The following TARBP1 variants were observed in gnomAD, a reference collection of about 807,000 sequenced individuals.
The protein encoded by TARBP1 is tRNA (guanosine(18)-2'-O)-methyltransferase TARBP1.
A neutral mutation model predicts 178.6 loss-of-function variants in TARBP1; 144 were observed. That is an observed-to-expected ratio of 0.81 (90% CI 0.70 to 0.93). The LOEUF is 0.93. TARBP1 is among the 40% of genes least tolerant of loss of function. TARBP1 has a pLI of 0.00. For missense variants in TARBP1, 2,067 were observed against 2,011.7 expected (o/e 1.03, Z -0.53); for synonymous variants, 787 against 781.0 (o/e 1.01, Z -0.13).
chr1:234,391,867 A>G, intron 29 of TARBP1, 122 bp from the exon 30 acceptor site: 1 of 1,066,024 alleles, frequency 9.4e-7, no homozygotes, highest in Admixed American at 2.6e-5. Context: ...TGTTACTAAA[A>G]GAAACATTAA....
At position 234,467,647 on chromosome 1, in the gene TARBP1, C is replaced by T. The variant is rs758638830; in HGVS notation, c.1103G>A (p.Cys368Tyr). 1.9e-6 allele frequency: 3 copies of T among 1,574,246 alleles called. No homozygotes were observed. The highest frequency in any genetic ancestry group is 4.6e-5 in the East Asian group (2 of 43,396). ...ATGCCAGGATGGGTGAAAGAGCCAACATCCTGTGGAAACAAACATCAAATG... is the reference window on the plus strand; with the variant it reads ...ATGCCAGGATGGGTGAAAGAGCCAATATCCTGTGGAAACAAACATCAAATG... ...FEYAVSEENG[C>Y]WLFHPSWHMC... The change falls in exon 4 of 30, where the codon TGT (cysteine) becomes TAT (tyrosine). Residue 368 changes from cysteine (C) to tyrosine (Y), a missense_variant. By Grantham distance (194) the Cys-to-Tyr change is radical. Coordinates refer to ENST00000040877, the MANE Select transcript of TARBP1 (RefSeq NM_005646.4).
At chr1:234,395,797 G>C (rs977800629) in intron 26 of TARBP1, among the ~76,000 whole-genome samples, 1 of 152,262 alleles carries the variant, frequency 6.6e-6, no homozygotes, top group Non-Finnish European at 1.5e-5. Flanking sequence ...GGCAGGAGGA[G>C]AGGTTGGTCA....
Position 234,418,211 on chromosome 1 carries a change from T to C in TARBP1, c.3578A>G (p.Asp1193Gly), listed in dbSNP as rs772146356. ...LDQNFLNGII[D>G]RIFQAGFTNN... is the part of the protein sequence containing the mutation. ...GGTGAAACCAGCCTGGAAAATCCTG[T>C]CAATAATTCCATTCAAGAAATTCTG... The change falls in exon 22 of 30, where the codon GAC (aspartate) becomes GGC (glycine). Residue 1193 changes from aspartate to glycine, a missense_variant. By Grantham distance (94) the Asp-to-Gly change is moderately conservative. Coordinates refer to ENST00000040877, the MANE Select transcript of TARBP1 (RefSeq NM_005646.4). The C allele has an allele frequency of 2.3e-5, 36 of 1,554,556 alleles. No individual in the cohort carries two copies. The highest frequency in any genetic ancestry group is 2.8e-5 in the Non-Finnish European group (33 of 1,162,860).
chr1:234,429,210 G>A lies in TARBP1; in HGVS notation c.2986C>T (p.Gln996Ter). Residue 996 changes from glutamine (Q) to a stop codon, truncating the protein, a stop_gained, in exon 17 of 30, where the codon CAG becomes TAG. Coordinates refer to ENST00000040877, the MANE Select transcript of TARBP1 (RefSeq NM_005646.4). LOFTEE classifies it high-confidence loss of function. ...AGAACTTTGTTATCAAAAACAAACT[G>A]AACAAAAGCTTTTAAATTAGCCCAG... ...IFWANLKAFV[Q>*]FVFDNKVLTI... 1 of 1,608,242 alleles carries A rather than the reference G, an allele frequency of 6.2e-7. No homozygotes were observed. Among genetic ancestry groups the A allele is most frequent in the Non-Finnish European group, 8.5e-7 (1 of 1,178,628 alleles).
chr1:234,448,636 G>C (rs973166930), intron 10 of TARBP1, 57 bp from the exon 11 acceptor site: 1 of 1,398,092 alleles, frequency 7.2e-7, no homozygotes, highest in Non-Finnish European at 1.0e-6. Context: ...CAAGGATGAT[G>C]CTTCAAAAAA....
chr1:234,462,049 T>C (rs1667911637), intron 6 of TARBP1, among the ~76,000 whole-genome samples: 1 of 152,262 alleles, frequency 6.6e-6, no homozygotes, highest in Non-Finnish European at 1.5e-5. Context: ...TGTGAATGAA[T>C]GTTTTAATTG....
Position 234,459,313 on chromosome 1 carries a change from A to C in TARBP1, c.1549T>G (p.Cys517Gly), listed in dbSNP as rs1363739421. ...GLLALRDVIH[C>G]TMITHQILLR... ...AGAATCTGATGTGTGATCATAGTGC[A>C]ATGAATAACATCCCTGACATCGAAA... Residue 517 changes from cysteine to glycine, a missense_variant, in exon 8 of 30, where the codon TGC becomes GGC. By Grantham distance (159) the Cys-to-Gly change is radical. Transcript: ENST00000040877. The C allele has an allele frequency of 6.2e-7, 1 of 1,610,282 alleles. No homozygotes were observed. The highest frequency in any genetic ancestry group is 8.5e-7 in the Non-Finnish European group (1 of 1,178,642).
Position 234,395,626 on chromosome 1 carries a change from G to A in TARBP1, c.4244-1789C>T, listed in dbSNP as rs549029288. Among the ~76,000 whole-genome samples the A allele has an allele frequency of 1.6e-4, 25 of 152,332 alleles. 1 individual carries two copies. The East Asian group carries it at 3.3e-3, about 20-fold the overall frequency. The stretch of plus-strand genomic sequence containing the variant: ...ATTTCAAGAGCTTAAGGAATATCCC[G>A]GTGCTAATGTCCAGTCTGTTCAGGA... On this transcript the variant is annotated intron_variant, in intron 26 of 29. Transcript: ENST00000040877.
Position 234,405,971 on chromosome 1 carries a change from T to C in TARBP1, c.3921A>G (p.Glu1307=), listed in dbSNP as rs1260792598. Residue 1307 remains glutamate (E), a synonymous_variant, in exon 24 of 30, where the codon GAA becomes GAG. Transcript: ENST00000040877. The part of the protein sequence containing the change: ...LWTVCKVLSV[E]EFDALTPVIE... ...TCACAGGAGTCAGGGCATCAAATTCTTCAACACTTAACACTTTACACACAG... is the reference window on the plus strand; with the variant it reads ...TCACAGGAGTCAGGGCATCAAATTCCTCAACACTTAACACTTTACACACAG... 8.7e-6 allele frequency: 14 copies of C among 1,614,046 alleles called. No individual in the cohort carries two copies. The South Asian group carries it at 1.5e-4, about 18-fold the overall frequency.
chr1:234,427,404 A>T lies in TARBP1; in HGVS notation c.3252-16T>A. 2 of 1,595,894 alleles carry T rather than the reference A, an allele frequency of 1.3e-6. No homozygotes were observed. Among genetic ancestry groups the T allele is most frequent in the Non-Finnish European group, 1.7e-6 (2 of 1,171,608 alleles). On this transcript the variant is annotated splice_polypyrimidine_tract_variant and intron_variant, in intron 18 of 29. Coordinates refer to ENST00000040877, the MANE Select transcript of TARBP1 (RefSeq NM_005646.4). ...CTGAACAAGTCTTTCCATAAAAAACATTTGATAAAGAACAACAGGTTTTAA... is the reference window on the plus strand; with the variant it reads ...CTGAACAAGTCTTTCCATAAAAAACTTTTGATAAAGAACAACAGGTTTTAA...
rs4027042 is a variant in TARBP1 at position 234,429,332 on chromosome 1, G to GAAA, written c.2872-11_2872-9dup. The GAAA allele has an allele frequency of 1.3e-3, 1,667 of 1,293,272 alleles. 2 individuals carry two copies. In the African/African-American group the frequency reaches 0.018, roughly 14 times the overall value. The allele number at this position is 1,293,272 out of a possible 1,614,324, so 80.1% of individuals were successfully genotyped here. A position where few individuals can be genotyped will look rare whatever the true frequency, so the allele number is the denominator to read the frequency against. On this transcript the variant is annotated splice_polypyrimidine_tract_variant and intron_variant, in intron 16 of 29. Coordinates refer to ENST00000040877, the MANE Select transcript of TARBP1 (RefSeq NM_005646.4). The stretch of plus-strand genomic sequence containing the variant: ...TTCAGAGGAAGTCAGAAGCTGGTAG[G>GAAA]AAAAAAAAAAATACATACTTATTTC...
chr1:234,421,048 A>C (rs1176588466), intron 20 of TARBP1, among the ~76,000 whole-genome samples: 1 of 152,170 alleles, frequency 6.6e-6, no homozygotes, highest in African/African-American at 2.4e-5. Flanking sequence ...AAAACACTTC[A>C]AACACTGAAC....
At chr1:234,441,720 TCTCCCTGCC>T in intron 12 of TARBP1, among the ~76,000 whole-genome samples, 1 of 152,290 alleles carries the variant, frequency 6.6e-6, no homozygotes, top group Middle Eastern at 3.4e-3. Flanking sequence ...ACCCCTATTT[TCTCCCTGCC>T]CTAAGCAACC....
chr1:234,459,182 A>G (rs1237945030), intron 8 of TARBP1, 48 bp downstream of exon 8: 5 of 1,444,918 alleles, frequency 3.5e-6, no homozygotes, highest in South Asian at 1.2e-5. Flanking sequence ...CTGTACACCC[A>G]CTCACTAAGA....
At chr1:234,471,089 T>C in intron 3 of TARBP1, 99 bp downstream of exon 3, 1 of 879,850 alleles carries the variant, frequency 1.1e-6, no homozygotes. Flanking sequence ...TGTACACTTT[T>C]ATAGTTTTTC....
chr1:234,413,450 G>A (rs1662075594), intron 22 of TARBP1, among the ~76,000 whole-genome samples: 1 of 151,800 alleles, frequency 6.6e-6, no homozygotes, highest in Non-Finnish European at 1.5e-5. Flanking sequence ...CTCTAGCTTG[G>A]GCGACAAGAA....
intron 24 of TARBP1, among the ~76,000 whole-genome samples, chr1:234,403,368 T>A (rs1348620071): frequency 2.0e-5 from 3 of 152,256 alleles, no homozygotes; most frequent in African/African-American, 7.2e-5. Context: ...AATGTAAACA[T>A]CATGTTACTT....
rs1669854809 is a variant in TARBP1, at chr1:234,478,883, C to T, written c.221G>A (p.Arg74Gln). 3.7e-6 allele frequency: 5 copies of T among 1,350,022 alleles called. No individual in the cohort carries two copies. The highest frequency in any genetic ancestry group is 1.5e-5 in the African/African-American group (1 of 64,780). 83.6% of individuals were successfully genotyped at this position (1,350,022 alleles called of 1,614,324 possible). A position where few individuals can be genotyped will look rare whatever the true frequency, so the allele number is the denominator to read the frequency against. ...VAAGYLVPLL[R>Q]SLRGRPAGGP... Reference sequence around the variant, plus strand: ...GCCCGCGGGGCGTCCGCGCAGGCTCCGCAGCAGTGGCACGAGGTACCCTGC... The same window carrying T: ...GCCCGCGGGGCGTCCGCGCAGGCTCTGCAGCAGTGGCACGAGGTACCCTGC... Residue 74 changes from arginine to glutamine, a missense_variant, in exon 1 of 30, where the codon CGG becomes CAG. Coordinates refer to ENST00000040877, the MANE Select transcript of TARBP1 (RefSeq NM_005646.4).
chr1:234,403,785 G>A (rs1373284568), intron 24 of TARBP1, among the ~76,000 whole-genome samples: 3 of 152,204 alleles, frequency 2.0e-5, no homozygotes, highest in Non-Finnish European at 4.4e-5. Context: ...CCGGGTTCAA[G>A]AGATTCTCCT....
Sources: allele counts gnomAD v4.1 joint callset (sites outside exome capture counted in the v4.1 genomes callset), GRCh38; gene constraint gnomAD v4.1.1; transcripts MANE v1.5; gene names NCBI Gene and HGNC (gene_info 2026-07-23, HGNC 2026-07-21).